Variants in AK5 observed in about 807,000 individuals in gnomAD.
AK5 encodes the protein adenylate kinase isoenzyme 5.
AK5 carries 27 observed loss-of-function variants against 69.5 expected under a neutral mutation model. The observed-to-expected ratio is 0.39, with a 90% CI of 0.29 to 0.54. The LOEUF is 0.54. Ranked by LOEUF, AK5 falls within the 20% of genes least tolerant of loss-of-function variation. AK5 has a pLI of 0.71. For missense variants in AK5, 531 were observed against 700.4 expected (o/e 0.76, Z 2.73); for synonymous variants, 260 against 244.4 (o/e 1.06, Z -0.60).
intron 6 of AK5, among the ~76,000 whole-genome samples, chr1:77,355,877 AC>A (rs1662487857): frequency 9.3e-6 from 1 of 107,118 alleles, no homozygotes; most frequent in Admixed American, 8.9e-5. Context: ...ATACACACAC[AC>A]ACACACACAC....
At chr1:77,321,285 A>G (rs940805546) in intron 5 of AK5, among the ~76,000 whole-genome samples, 1 of 152,166 alleles carries the variant, frequency 6.6e-6, no homozygotes, top group African/African-American at 2.4e-5. Flanking sequence ...CAGTCTGGCC[A>G]ACACGGTGAA....
At chr1:77,489,265 T>G (rs1415417266) in intron 10 of AK5, among the ~76,000 whole-genome samples, 1 of 152,174 alleles carries the variant, frequency 6.6e-6, no homozygotes, top group African/African-American at 2.4e-5. Context: ...AGCAAAAGAT[T>G]TTTCTTCTAT....
intron 10 of AK5, among the ~76,000 whole-genome samples, chr1:77,501,603 A>C (rs1016318538): frequency 1.3e-5 from 2 of 152,240 alleles, no homozygotes; most frequent in Non-Finnish European, 2.9e-5. Context: ...CAGTAAAAAT[A>C]CAGTGTATTA....
intron 12 of AK5, among the ~76,000 whole-genome samples, chr1:77,529,101 A>G (rs924111578): frequency 2.2e-5 from 2 of 91,116 alleles, no homozygotes; most frequent in Non-Finnish European, 3.2e-5. Flanking sequence ...ACAAAAATAT[A>G]AAACAAAGAA....
chr1:77,367,664 G>A lies in AK5; in HGVS notation c.891+27096G>A, dbSNP rs1570449845. ...GTTATGTTATATATGTTATATATAT[G>A]TTATATATAATATATATGTTATATA... On this transcript the variant is annotated intron_variant, in intron 6 of 13. Coordinates refer to ENST00000354567, the MANE Select transcript of AK5 (RefSeq NM_174858.3). Among the ~76,000 whole-genome samples, 7 of 82,740 alleles carry A rather than the reference G, an allele frequency of 8.5e-5. No homozygotes were observed. In the South Asian group the frequency reaches 2.4e-3, roughly 28 times the overall value. 54.3% of individuals were successfully genotyped at this position (82,740 alleles called of 152,430 possible).
chr1:77,429,261 C>T (rs1299085313), intron 8 of AK5, among the ~76,000 whole-genome samples: 1 of 152,182 alleles, frequency 6.6e-6, no homozygotes, highest in African/African-American at 2.4e-5. Context: ...TCTCCAGCAC[C>T]TGTTGTTTCC....
At chr1:77,414,145 A>G (rs377644791) in intron 7 of AK5, among the ~76,000 whole-genome samples, 11 of 152,222 alleles carry the variant, frequency 7.2e-5, no homozygotes, top group African/African-American at 2.7e-4. Context: ...TTTGGTACGT[A>G]TGCATTGAAC....
intron 2 of AK5, among the ~76,000 whole-genome samples, 193 bp downstream of exon 2, chr1:77,287,320 G>T (rs900595547): frequency 1.3e-5 from 2 of 152,084 alleles, no homozygotes; most frequent in Admixed American, 6.5e-5. Flanking sequence ...ATCTACCATT[G>T]TCCAACAATT....
intron 2 of AK5, among the ~76,000 whole-genome samples, chr1:77,290,932 A>T (rs552768376): frequency 6.6e-6 from 1 of 152,352 alleles, no homozygotes; most frequent in East Asian, 1.9e-4. Context: ...CTATAGGAAA[A>T]TCATAGGTTA....
chr1:77,295,867 G>A (rs754027440), intron 3 of AK5, among the ~76,000 whole-genome samples: 4 of 151,936 alleles, frequency 2.6e-5, no homozygotes, highest in East Asian at 3.9e-4. Flanking sequence ...TAAGATCTTC[G>A]GAGAATATGT....
chr1:77,558,413 T>G (rs1455201590), intron 13 of AK5, among the ~76,000 whole-genome samples, 189 bp from the exon 14 acceptor site: 1 of 148,730 alleles, frequency 6.7e-6, no homozygotes, highest in Admixed American at 6.7e-5. Context: ...GTAGTGGTAC[T>G]TCATTGTTTT....
chr1:77,408,538 G>A (rs1362342480), intron 6 of AK5, among the ~76,000 whole-genome samples: 5 of 151,998 alleles, frequency 3.3e-5, no homozygotes, highest in Non-Finnish European at 7.4e-5. Context: ...ACCTTTGTTG[G>A]ATGTGTAGTT....
At chr1:77,540,837 G>A (rs1187678838) in intron 13 of AK5, 1 of 152,096 alleles carries the variant, frequency 6.6e-6, no homozygotes, top group Non-Finnish European at 1.5e-5. Context: ...GGTGGCACAT[G>A]TCTATAATCA....
chr1:77,373,307 A>G (rs1203807697), intron 6 of AK5, among the ~76,000 whole-genome samples: 4 of 152,198 alleles, frequency 2.6e-5, no homozygotes, highest in Non-Finnish European at 5.9e-5. Context: ...TTGTCCTCCC[A>G]ATGCTCTAAC....
In AK5 at chr1:77,478,927, GTT is replaced by G. The variant is rs34019719; in HGVS notation, c.1060-4377_1060-4376del. Among the ~76,000 whole-genome samples the G allele has an allele frequency of 1.3e-3, 192 of 144,310 alleles. 1 individual carries two copies. Among genetic ancestry groups the G allele is most frequent in the African/African-American group, 4.1e-3 (163 of 39,428 alleles). 94.7% of individuals were successfully genotyped at this position (144,310 alleles called of 152,430 possible). A position where few individuals can be genotyped will look rare whatever the true frequency, so the allele number is the denominator to read the frequency against. On this transcript the variant is annotated intron_variant, in intron 8 of 13. Transcript: ENST00000354567. ...ACCAGAACCCAGCCTTGCAAAAGTA[GTT>G]TTTTTTTTTTTTGCATATACACCTA...
intron 6 of AK5, among the ~76,000 whole-genome samples, chr1:77,392,297 A>G (rs1648539392): frequency 6.6e-6 from 1 of 152,232 alleles, no homozygotes; most frequent in Non-Finnish European, 1.5e-5. Flanking sequence ...GGAATGTGAA[A>G]GAGCCTCTGA....
chr1:77,386,093 T>C (rs1250916475), intron 6 of AK5, among the ~76,000 whole-genome samples: 1 of 152,220 alleles, frequency 6.6e-6, no homozygotes, highest in Non-Finnish European at 1.5e-5. Context: ...CTTGGAATAG[T>C]CATAACCTTG....
chr1:77,469,052 A>T (rs1654310207), intron 8 of AK5, among the ~76,000 whole-genome samples: 1 of 152,242 alleles, frequency 6.6e-6, no homozygotes, highest in Admixed American at 6.5e-5. Flanking sequence ...AGTGCTGCAT[A>T]TGCAGTTAAC....
chr1:77,284,131 T>C (rs1658217784), intron 1 of AK5, among the ~76,000 whole-genome samples: 1 of 152,176 alleles, frequency 6.6e-6, no homozygotes, highest in Admixed American at 6.5e-5. Context: ...TGAAATACAG[T>C]AATGGACTTA....
Sources: allele counts gnomAD v4.1 joint callset (sites outside exome capture counted in the v4.1 genomes callset), GRCh38; gene constraint gnomAD v4.1.1; transcripts MANE v1.5; gene names NCBI Gene and HGNC (gene_info 2026-07-23, HGNC 2026-07-21).